CACNA1D: variants seen among roughly 807,000 people sequenced by gnomAD.
CACNA1D encodes voltage-dependent L-type calcium channel subunit alpha-1D.
Under a neutral mutation model 257.1 loss-of-function variants are expected in CACNA1D, and 55 were observed. The observed-to-expected ratio is 0.21, with a 90% confidence interval of 0.17 to 0.27. The LOEUF is 0.27. Ranked by LOEUF, CACNA1D falls within the 10% of genes least tolerant of loss-of-function variation. The pLI, the probability that CACNA1D is intolerant of heterozygous loss-of-function variation, is 1.00. For synonymous variants in CACNA1D, 980 were observed against 1,014.9 expected, an observed-to-expected ratio of 0.97 and a Z score of 0.65; for missense variants, 1,876 against 2,784.0, an observed-to-expected ratio of 0.67 and a Z score of 7.34.
rs141543668 is a variant in CACNA1D, at chr3:53,568,454, C to T, written c.483+66734C>T. On this transcript the variant is annotated intron_variant, in intron 3 of 47. Transcript: ENST00000350061. ...CCCATTTCCCTGAGAAAATTCAAGC[C>T]GCCAGGAGAGAACTTCTCAAAAGCG... 3.4e-3 allele frequency among the ~76,000 whole-genome samples: 512 copies of T among 152,284 alleles called. 3 individuals carry two copies. Among genetic ancestry groups the T allele is most frequent in the African/African-American group, 0.011 (476 of 41,560 alleles).
intron 3 of CACNA1D, among the ~76,000 whole-genome samples, chr3:53,553,681 A>C (rs1256430131): frequency 6.6e-6 from 1 of 152,138 alleles, no homozygotes; most frequent in Non-Finnish European, 1.5e-5. Context: ...GTCTTTATCC[A>C]ACCCTATGAC....
Position 53,666,329 on chromosome 3 carries a change from C to G in CACNA1D, c.920-10C>G, listed in dbSNP as rs760052769. The G allele has an allele frequency of 6.2e-7, 1 of 1,612,968 alleles. No individual in the cohort carries two copies. Among genetic ancestry groups the G allele is most frequent in the Non-Finnish European group, 8.5e-7 (1 of 1,179,528 alleles). Reference sequence around the variant, plus strand: ...TCCTGAGCGGTACAGCCTGTTTGCTCTGTTTGCAGATATCGTAGCTGAAGA... The same window carrying G: ...TCCTGAGCGGTACAGCCTGTTTGCTGTGTTTGCAGATATCGTAGCTGAAGA... On this transcript the variant is annotated splice_polypyrimidine_tract_variant and intron_variant, in intron 6 of 47. Coordinates refer to ENST00000350061, the MANE Select transcript of CACNA1D (RefSeq NM_001128840.3).
intron 3 of CACNA1D, among the ~76,000 whole-genome samples, chr3:53,550,123 A>T (rs758902088): frequency 2.0e-5 from 3 of 152,122 alleles, no homozygotes; most frequent in Admixed American, 6.5e-5. Context: ...GCTCCCATGG[A>T]AAGGACTGAT....
intron 30 of CACNA1D, among the ~76,000 whole-genome samples, chr3:53,768,882 T>A (rs1042881101): frequency 2.0e-5 from 3 of 152,144 alleles, no homozygotes; most frequent in African/African-American, 7.2e-5. Context: ...CGTGCACACA[T>A]GTCCCTTAAC....
chr3:53,777,542 A>G (rs2095404605), intron 37 of CACNA1D, among the ~76,000 whole-genome samples: 1 of 152,166 alleles, frequency 6.6e-6, no homozygotes, highest in Non-Finnish European at 1.5e-5. Flanking sequence ...AGATCCACTT[A>G]GGATGTGGAG....
intron 3 of CACNA1D, among the ~76,000 whole-genome samples, chr3:53,510,296 G>A (rs1345368255): frequency 6.6e-6 from 1 of 150,962 alleles, no homozygotes; most frequent in Non-Finnish European, 1.5e-5. Context: ...TACAGTTTGA[G>A]TATTTTAAAT....
At chr3:53,508,552 C>T (rs60996114) in intron 3 of CACNA1D, among the ~76,000 whole-genome samples, 156 of 152,282 alleles carry the variant, frequency 1.0e-3, no homozygotes, top group African/African-American at 3.2e-3. Flanking sequence ...ATTTAGCTCC[C>T]GCTTATAAGT....
At chr3:53,651,834 A>G (rs1322367986) in intron 4 of CACNA1D, among the ~76,000 whole-genome samples, 1 of 151,948 alleles carries the variant, frequency 6.6e-6, no homozygotes, top group Non-Finnish European at 1.5e-5. Flanking sequence ...GAGCAAGGTG[A>G]TTTTTCTTGT....
intron 3 of CACNA1D, among the ~76,000 whole-genome samples, chr3:53,511,597 C>T (rs145093626): frequency 3.9e-5 from 6 of 151,984 alleles, no homozygotes; most frequent in East Asian, 3.9e-4. Flanking sequence ...GGTCAGGGTA[C>T]GACATTAAAC....
intron 8 of CACNA1D, among the ~76,000 whole-genome samples, chr3:53,674,430 G>A (rs1461533402): frequency 6.6e-6 from 1 of 152,242 alleles, no homozygotes; most frequent in Non-Finnish European, 1.5e-5. Context: ...TTAATGCAGA[G>A]TGATGATCGA....
At position 53,800,820 on chromosome 3, in the gene CACNA1D, G is replaced by C. The variant is rs184451859; in HGVS notation, c.5041-238G>C. The stretch of plus-strand genomic sequence containing the variant: ...TTGGAGCAACTGGAAGAGCACACTC[G>C]AGTGACAGCCGACAGCTTGCTCCCC... On this transcript the variant is annotated intron_variant, in intron 41 of 47. Coordinates refer to ENST00000350061, the MANE Select transcript of CACNA1D (RefSeq NM_001128840.3). The surrounding 1 kb of genome is among the most constrained non-coding windows in gnomAD (Gnocchi z 4.3). The C allele has an allele frequency of 6.1e-4, 363 of 596,178 alleles. 2 individuals are homozygous for C. In the Admixed American group the frequency reaches 6.5e-3, roughly 11 times the overall value. The allele number at this position is 596,178 out of a possible 1,614,324, so 36.9% of individuals were successfully genotyped here.
chr3:53,713,547 A>T (rs1229217819), intron 9 of CACNA1D, among the ~76,000 whole-genome samples: 4 of 130,192 alleles, frequency 3.1e-5, no homozygotes, highest in African/African-American at 1.1e-4. Context: ...TGTGTGTGAG[A>T]GATTTGCCTC....
intron 3 of CACNA1D, among the ~76,000 whole-genome samples, chr3:53,536,694 A>C (rs966261251): frequency 6.6e-6 from 1 of 152,264 alleles, no homozygotes; most frequent in African/African-American, 2.4e-5. Context: ...ATCTTGTGAC[A>C]TATAAAAATG....
intron 8 of CACNA1D, among the ~76,000 whole-genome samples, chr3:53,674,837 C>T (rs1383804300): frequency 5.9e-5 from 9 of 152,210 alleles, no homozygotes; most frequent in African/African-American, 1.7e-4. Flanking sequence ...CACTGCGCTG[C>T]GCCCAGGCAC....
rs373521880 is a variant in CACNA1D, at chr3:53,747,289, T to C, written c.3168-13T>C. On this transcript the variant is annotated splice_polypyrimidine_tract_variant and intron_variant, in intron 25 of 47. Coordinates refer to ENST00000350061, the MANE Select transcript of CACNA1D (RefSeq NM_001128840.3). ...TGTGAAGCCAGACGACCCACACCTGTTTTCCTCTCCAGGGGACTTTTCATC... is the reference window on the plus strand; with the variant it reads ...TGTGAAGCCAGACGACCCACACCTGCTTTCCTCTCCAGGGGACTTTTCATC... 9 of 1,613,366 alleles carry C rather than the reference T, an allele frequency of 5.6e-6. No individual in the cohort carries two copies. The African/African-American group carries it at 1.1e-4, about 19-fold the overall frequency.
chr3:53,651,366 C>CTTTTTTTTTATTTTTTTTTTTTT (rs2094092034), intron 4 of CACNA1D, among the ~76,000 whole-genome samples: 1 of 81,836 alleles, frequency 1.2e-5, no homozygotes, highest in Non-Finnish European at 2.3e-5. Flanking sequence ...TATTAATTTT[C>CTTTTTTTTTATTTTTTTTTTTTT]TTTTTTTTTT....
At chr3:53,700,859 T>TTC (rs2094618187) in intron 8 of CACNA1D, among the ~76,000 whole-genome samples, 1 of 149,198 alleles carries the variant, frequency 6.7e-6, no homozygotes, top group African/African-American at 2.5e-5. Flanking sequence ...CTTTTTTTTT[T>TTC]CCTTTCTTTC....
intron 5 of CACNA1D, among the ~76,000 whole-genome samples, chr3:53,664,964 A>G (rs1364535316): frequency 6.6e-6 from 1 of 152,198 alleles, no homozygotes; most frequent in Non-Finnish European, 1.5e-5. Context: ...GCAAGACTGC[A>G]TTCTTCTAAC....
At chr3:53,763,503 G>A (rs1179678229) in intron 30 of CACNA1D, among the ~76,000 whole-genome samples, 3 of 152,158 alleles carry the variant, frequency 2.0e-5, no homozygotes, top group Admixed American at 2.0e-4. Context: ...AGTCTTAGTG[G>A]GCGTCCAGTG....
Sources: gnomAD v4.1 joint callset for allele counts (sites outside exome capture counted in the v4.1 genomes callset) on GRCh38, gnomAD v4.1.1 for gene constraint, Gnocchi (gnomAD v3.1) non-coding constraint, MANE v1.5 for transcripts, NCBI Gene and HGNC (gene_info 2026-07-23, HGNC 2026-07-21) for gene names.